Variants in FBXW7 observed in about 807,000 individuals in gnomAD.
The protein encoded by FBXW7 is F-box and WD repeat domain containing 7.
FBXW7 carries 11 observed loss-of-function variants against 86.3 expected under a neutral mutation model. The ratio of observed to expected loss-of-function variants is 0.13; its 90% confidence interval spans 0.08 to 0.21. The LOEUF (loss-of-function observed/expected upper bound fraction) is 0.21. FBXW7 is among the 10% of genes least tolerant of loss of function. The pLI is 1.00. For missense variants in FBXW7, 488 were observed against 847.4 expected (o/e 0.58, Z 5.27); for synonymous variants, 313 against 297.9 (o/e 1.05, Z -0.52).
At position 152,467,703 on chromosome 4, in the gene FBXW7, G is replaced by A. The variant is rs548850832; in HGVS notation, c.-119-55174C>T. Among the ~76,000 whole-genome samples, 19 of 152,228 alleles carry A rather than the reference G, an allele frequency of 1.2e-4. No individual in the cohort carries two copies. In the South Asian group the frequency reaches 3.7e-3, roughly 30 times the overall value. On this transcript the variant is annotated intron_variant, in intron 2 of 13. Coordinates refer to ENST00000281708, the MANE Select transcript of FBXW7 (RefSeq NM_001349798.2). ...ACACAAGAAATGCCAATGCTTTTTC[G>A]TAGTCCTATGACGATTAAAACTTTG...
Position 152,411,840 on chromosome 4 carries a change from T to C in FBXW7, c.-37A>G, listed in dbSNP as rs1280295468. 2 of 1,549,670 alleles carry C rather than the reference T, an allele frequency of 1.3e-6. No homozygotes were observed. Among genetic ancestry groups the C allele is most frequent in the East Asian group, 2.3e-5 (1 of 43,546 alleles). ...AGCTTGCTACTTCTTGGACCTTGGC[T>C]AGACTATCAGAAGATGCAAAGGTTT... is the stretch of plus-strand genomic sequence containing the variant. On this transcript the variant is annotated 5_prime_UTR_variant, in exon 4 of 14. Coordinates refer to ENST00000281708, the MANE Select transcript of FBXW7 (RefSeq NM_001349798.2).
intron 4 of FBXW7, among the ~76,000 whole-genome samples, chr4:152,401,277 T>C (rs538678375): frequency 1.3e-5 from 2 of 152,346 alleles, no homozygotes; most frequent in South Asian, 2.1e-4. Context: ...TTGCCAATTA[T>C]GTGGAAGCAA....
intron 8 of FBXW7, 70 bp from the exon 9 acceptor site, chr4:152,330,938 C>G (rs1393194319): frequency 6.9e-7 from 1 of 1,445,460 alleles, no homozygotes; most frequent in Non-Finnish European, 9.4e-7. Context: ...ATAAAGTATT[C>G]CATCTTTATA....
chr4:152,365,388 A>T (rs1392336461), intron 4 of FBXW7, among the ~76,000 whole-genome samples: 4 of 152,188 alleles, frequency 2.6e-5, no homozygotes, highest in Non-Finnish European at 4.4e-5. Flanking sequence ...CTGAAAATAG[A>T]ATGGCAGTGA....
At chr4:152,464,485 T>C (rs572433298) in intron 2 of FBXW7, among the ~76,000 whole-genome samples, 19 of 152,224 alleles carry the variant, frequency 1.2e-4, no homozygotes, top group East Asian at 5.8e-4. Context: ...TTGAGCACAG[T>C]AGAATGGTTC....
At chr4:152,497,354 C>T (rs892265525) in intron 2 of FBXW7, among the ~76,000 whole-genome samples, 2 of 143,600 alleles carry the variant, frequency 1.4e-5, no homozygotes, top group Non-Finnish European at 3.0e-5. Flanking sequence ...CACACACACA[C>T]ACACACACAC....
chr4:152,350,047 A>G lies in FBXW7; in HGVS notation c.579T>C (p.Tyr193=). Reference sequence around the variant, plus strand: ...ATCATTATATTTAATATTACCTTGTATATTCTGAGACTTTGCATGGTTTCT... The same window carrying G: ...ATCATTATATTTAATATTACCTTGTGTATTCTGAGACTTTGCATGGTTTCT... The part of the protein sequence containing the change: ...LGKKPCKVSE[Y]TSTTGLVPCS... Residue 193 remains tyrosine (Y), a synonymous_variant, in exon 5 of 14, where the codon TAT becomes TAC. Coordinates refer to ENST00000281708, the MANE Select transcript of FBXW7 (RefSeq NM_001349798.2). 6.6e-7 allele frequency: 1 copy of G among 1,523,716 alleles called. No individual in the cohort carries two copies. Among genetic ancestry groups the G allele is most frequent in the South Asian group, 1.2e-5 (1 of 81,566 alleles). 94.4% of individuals were successfully genotyped at this position (1,523,716 alleles called of 1,614,324 possible).
chr4:152,514,610 T>G (rs911228181), intron 2 of FBXW7, among the ~76,000 whole-genome samples: 1 of 152,112 alleles, frequency 6.6e-6, no homozygotes, highest in African/African-American at 2.4e-5. Flanking sequence ...CTCAAGGTAA[T>G]GAATGAGTTT....
intron 4 of FBXW7, among the ~76,000 whole-genome samples, chr4:152,398,323 T>A (rs879338064): frequency 1.9e-4 from 29 of 151,812 alleles, no homozygotes; most frequent in African/African-American, 7.0e-4. Context: ...TTTGATATGA[T>A]GTTTCACAGT....
intron 6 of FBXW7, among the ~76,000 whole-genome samples, chr4:152,341,421 T>C (rs1730726754): frequency 6.6e-6 from 1 of 152,206 alleles, no homozygotes; most frequent in Non-Finnish European, 1.5e-5. Context: ...GCAACCTCTC[T>C]AAAATTGCAA....
chr4:152,360,677 A>G (rs1193344366), intron 4 of FBXW7, among the ~76,000 whole-genome samples: 2 of 152,260 alleles, frequency 1.3e-5, no homozygotes, highest in African/African-American at 2.4e-5. Flanking sequence ...GTACAGAGCT[A>G]GGTGACTATG....
At chr4:152,446,540 T>G (rs1482482694) in intron 2 of FBXW7, among the ~76,000 whole-genome samples, 1 of 152,202 alleles carries the variant, frequency 6.6e-6, no homozygotes, top group Non-Finnish European at 1.5e-5. Context: ...ATCAAGGTTA[T>G]CAAATAGATT....
At chr4:152,331,162 GA>G in intron 8 of FBXW7, among the ~76,000 whole-genome samples, 1 of 152,026 alleles carries the variant, frequency 6.6e-6, no homozygotes, top group Non-Finnish European at 1.5e-5. Flanking sequence ...AGCTGCTGTG[GA>G]AAATAGTCTG....
intron 4 of FBXW7, chr4:152,353,107 T>A: frequency 1.6e-6 from 1 of 606,924 alleles, no homozygotes; most frequent in Non-Finnish European, 2.2e-6. Context: ...AAGGAACATT[T>A]CCACAAATAA....
chr4:152,360,217 T>C (rs887779079), intron 4 of FBXW7, among the ~76,000 whole-genome samples: 2 of 152,198 alleles, frequency 1.3e-5, no homozygotes, highest in African/African-American at 4.8e-5. Context: ...CTTTCTGTAC[T>C]AGGAGAACTT....
chr4:152,425,716 A>G (rs886481601), intron 2 of FBXW7, among the ~76,000 whole-genome samples: 1 of 152,130 alleles, frequency 6.6e-6, no homozygotes, highest in South Asian at 2.1e-4. Flanking sequence ...GCTAAAACGA[A>G]CTTTTGCCCT....
intron 4 of FBXW7, among the ~76,000 whole-genome samples, chr4:152,357,060 G>A (rs1220673263): frequency 6.6e-6 from 1 of 152,092 alleles, no homozygotes; most frequent in Non-Finnish European, 1.5e-5. Context: ...TTGAGAACAT[G>A]TAAAATAAAA....
At chr4:152,404,963 C>T (rs991236616) in intron 4 of FBXW7, among the ~76,000 whole-genome samples, 1 of 151,672 alleles carries the variant, frequency 6.6e-6, no homozygotes, top group Non-Finnish European at 1.5e-5. Context: ...CGTGGTGGTG[C>T]CACGAGTGGT....
At position 152,474,570 on chromosome 4, in the gene FBXW7, T is replaced by G. The variant is rs915129958; in HGVS notation, c.-120+60371A>C. Among the ~76,000 whole-genome samples the G allele has an allele frequency of 2.0e-5, 3 of 152,220 alleles. No homozygotes were observed. In the East Asian group the frequency reaches 5.8e-4, roughly 29 times the overall value. ...TATTTGATTTAGCCTAATTGTAATA[T>G]TTCACAAATCAAACTAGTACAAATC... On this transcript the variant is annotated intron_variant, in intron 2 of 13. Transcript: ENST00000281708.
Sources: allele counts gnomAD v4.1 joint callset (sites outside exome capture counted in the v4.1 genomes callset), GRCh38; gene constraint gnomAD v4.1.1; transcripts MANE v1.5; gene names NCBI Gene and HGNC (gene_info 2026-07-23, HGNC 2026-07-21).